Variants in HSPA9 observed in about 807,000 individuals in gnomAD.
The protein encoded by HSPA9 is heat shock protein family A (Hsp70) member 9, also known as stress-70 protein, mitochondrial.
HSPA9 carries 28 observed loss-of-function variants against 81.5 expected under a neutral mutation model. That is an observed-to-expected ratio of 0.34 (90% CI 0.25 to 0.47). The LOEUF (loss-of-function observed/expected upper bound fraction) is 0.47, where lower values mean the gene tolerates loss of function less well. HSPA9 is among the 20% of genes least tolerant of loss of function. The probability of loss-of-function intolerance (pLI) is 1.00; values close to 1 mark genes in which losing one functional copy is unlikely to be tolerated. For missense variants in HSPA9, 678 were observed against 838.0 expected (o/e 0.81, Z 2.36); for synonymous variants, 293 against 290.4 (o/e 1.01, Z -0.09).
At chr5:138,559,034 C>A in intron 11 of HSPA9, 1 of 229,156 alleles carries the variant, frequency 4.4e-6, no homozygotes. Context: ...AAATACATCA[C>A]GGCACAAATA....
At chr5:138,574,912 G>A (rs1751052407) in intron 1 of HSPA9, 1 of 434,950 alleles carries the variant, frequency 2.3e-6, no homozygotes, top group Non-Finnish European at 4.1e-6. Flanking sequence ...TGAAAATAGT[G>A]GCTTTCCCAA....
intron 14 of HSPA9, 117 bp downstream of exon 14, chr5:138,557,285 G>T: frequency 1.3e-6 from 1 of 759,884 alleles, no homozygotes; most frequent in Admixed American, 2.0e-5. Flanking sequence ...TGCCCACCTT[G>T]GCAGTGGGCT....
intron 12 of HSPA9, 126 bp downstream of exon 12, chr5:138,558,427 C>T: frequency 2.7e-6 from 2 of 742,240 alleles, no homozygotes; most frequent in South Asian, 2.9e-5. Flanking sequence ...AGTTGCATCC[C>T]TTCTTCTCAA....
intron 3 of HSPA9, 107 bp downstream of exon 3, chr5:138,573,656 A>G (rs905615892): frequency 1.6e-6 from 1 of 616,638 alleles, no homozygotes; most frequent in East Asian, 3.0e-5. Flanking sequence ...AAAAAAAAAA[A>G]AAAAAAAAAA....
chr5:138,566,385 A>G (rs1750763130), intron 9 of HSPA9, among the ~76,000 whole-genome samples: 1 of 152,110 alleles, frequency 6.6e-6, no homozygotes, highest in Admixed American at 6.6e-5. Context: ...TCATTCACAC[A>G]TTATTTAGCT....
chr5:138,567,014 T>A lies in HSPA9; in HGVS notation c.866A>T (p.Glu289Val). Residue 289 changes from glutamate (E) to valine (V), a missense_variant, in exon 8 of 17, where the codon GAG (glutamate) becomes GTG (valine). Physicochemically the swap from Glu to Val is moderately radical, Grantham distance 121. Around this residue, in one of 4 missense-constraint regions of HSPA9, gnomAD observed 484 missense variants for 647.5 expected, o/e 0.75. Coordinates refer to ENST00000297185, the MANE Select transcript of HSPA9 (RefSeq NM_004134.7). The part of the protein sequence containing the change: ...DQALLRHIVK[E>V]FKRETGVDLT... The stretch of plus-strand genomic sequence containing the variant: ...TTGGTAACTCACCTCTCTCTTGAAC[T>A]CCTTCACAATGTGCCGTAGCAAGGC... 1 of 1,612,970 alleles carries A rather than the reference T, an allele frequency of 6.2e-7. No individual in the cohort carries two copies. Among genetic ancestry groups the A allele is most frequent in the Non-Finnish European group, 8.5e-7 (1 of 1,179,964 alleles).
Position 138,571,131 on chromosome 5 carries a change from T to C in HSPA9, c.239A>G (p.Asn80Ser). 4 of 1,613,752 alleles carry C rather than the reference T, an allele frequency of 2.5e-6. No individual in the cohort carries two copies. Among genetic ancestry groups the C allele is most frequent in the Non-Finnish European group, 3.4e-6 (4 of 1,179,990 alleles). The change falls in exon 4 of 17, where the codon AAT becomes AGT. Residue 80 changes from asparagine (N) to serine (S), a missense_variant. Asn to Ser is a conservative substitution (Grantham distance 46). Transcript: ENST00000297185. The stretch of plus-strand genomic sequence containing the variant: ...AGGGGTGGTTCTGGCACCTTCGGCA[T>C]TCTCCAGCACCTAAACTCCCAAAAT... ...MEGKQAKVLE[N>S]AEGARTTPSV...
chr5:138,553,956 G>A lies in HSPA9; in HGVS notation c.*2081C>T, dbSNP rs552124735. 3.3e-5 allele frequency among the ~76,000 whole-genome samples: 5 copies of A among 152,234 alleles called. No homozygotes were observed. Among genetic ancestry groups the A allele is most frequent in the South Asian group, 4.2e-4 (2 of 4,812 alleles). On this transcript the variant is annotated 3_prime_UTR_variant, in exon 17 of 17. Transcript: ENST00000297185. ...AAGACATCCATATTCTTCTAACCTC[G>A]GACTAGGACACCACTGTGTTCCTGG...
intron 3 of HSPA9, 42 bp from the exon 4 acceptor site, chr5:138,571,183 C>A: frequency 6.3e-7 from 1 of 1,594,458 alleles, no homozygotes; most frequent in South Asian, 1.1e-5. Context: ...TTGTAGTTAT[C>A]ACTGGTATGT....
At chr5:138,565,782 C>A (rs371577815) in intron 9 of HSPA9, among the ~76,000 whole-genome samples, 1 of 152,160 alleles carries the variant, frequency 6.6e-6, no homozygotes, top group Non-Finnish European at 1.5e-5. Context: ...GGTGTGATCA[C>A]GGCTCACTGC....
At chr5:138,561,877 A>G in intron 9 of HSPA9, 88 bp from the exon 10 acceptor site, 1 of 1,022,800 alleles carries the variant, frequency 9.8e-7, no homozygotes, top group Non-Finnish European at 1.6e-6. Flanking sequence ...ACCATGCCCT[A>G]GGACAGAAGA....
chr5:138,555,752 AAT>A lies in HSPA9; in HGVS notation c.*283_*284del, dbSNP rs1223937598. On this transcript the variant is annotated 3_prime_UTR_variant, in exon 17 of 17. Coordinates refer to ENST00000297185, the MANE Select transcript of HSPA9 (RefSeq NM_004134.7). ...TGAAAATATGGTCACTTCAGCATAA[AAT>A]AGTTAAATCTTTATAATGATCAATT... 4.4e-6 allele frequency: 2 copies of A among 455,908 alleles called. No homozygotes were observed. Among genetic ancestry groups the A allele is most frequent in the African/African-American group, 2.0e-5 (1 of 50,234 alleles). The allele number at this position is 455,908 out of a possible 1,614,324, so 28.2% of individuals were successfully genotyped here.
chr5:138,561,405 A>G (rs256006), intron 10 of HSPA9, among the ~76,000 whole-genome samples, 175 bp downstream of exon 10: 78,951 of 152,026 alleles, frequency 0.52, 22,742 homozygotes, highest in East Asian at 0.81. Flanking sequence ...CACCATGCCC[A>G]GCCTATTTTT....
chr5:138,556,693 C>G, intron 15 of HSPA9, 81 bp downstream of exon 15: 2 of 1,556,698 alleles, frequency 1.3e-6, no homozygotes, highest in South Asian at 1.1e-5. Flanking sequence ...AAACCCCTAT[C>G]AAAACCCACA....
intron 9 of HSPA9, among the ~76,000 whole-genome samples, chr5:138,566,110 C>A (rs934177791): frequency 1.3e-5 from 2 of 148,640 alleles, no homozygotes; most frequent in African/African-American, 4.9e-5. Context: ...ATCACTTGAA[C>A]CCAGGAGGCA....
intron 9 of HSPA9, among the ~76,000 whole-genome samples, chr5:138,562,066 G>A: frequency 6.6e-6 from 1 of 151,286 alleles, no homozygotes; most frequent in Non-Finnish European, 1.5e-5. Context: ...AGCCTCCCAA[G>A]TAGCTGGGAC....
intron 4 of HSPA9, among the ~76,000 whole-genome samples, chr5:138,569,630 TC>T (rs1750835553): frequency 6.6e-6 from 1 of 151,604 alleles, no homozygotes; most frequent in Non-Finnish European, 1.5e-5. Flanking sequence ...AAGAAGCCAG[TC>T]ATAGAGGTCC....
At chr5:138,565,391 G>C (rs1750741552) in intron 9 of HSPA9, among the ~76,000 whole-genome samples, 1 of 152,000 alleles carries the variant, frequency 6.6e-6, no homozygotes, top group Non-Finnish European at 1.5e-5. Flanking sequence ...AAAAAATCCA[G>C]GTTTGAGGGG....
chr5:138,573,790 C>G lies in HSPA9; in HGVS notation c.201G>C (p.Val67=), dbSNP rs1321669610. 2 of 1,612,802 alleles carry G rather than the reference C, an allele frequency of 1.2e-6. No individual in the cohort carries two copies. The highest frequency in any genetic ancestry group is 8.5e-7 in the Non-Finnish European group (1 of 1,179,040). ...TTGCTTGTTTACCTTCCATAACTGC[C>G]ACGCAGGAGTTGGTAGTACCCAAAT... ...GIDLGTTNSC[V]AVMEGKQAKV... is the part of the protein sequence containing the mutation. The change falls in exon 3 of 17, where the codon GTG becomes GTC. Residue 67 remains valine (V), a synonymous_variant. Coordinates refer to ENST00000297185, the MANE Select transcript of HSPA9 (RefSeq NM_004134.7).
Sources: gnomAD v4.1 joint callset for allele counts (sites outside exome capture counted in the v4.1 genomes callset) on GRCh38, gnomAD v4.1.1 for gene constraint, gnomAD v4.1.1 regional missense constraint, MANE v1.5 for transcripts, NCBI Gene and HGNC (gene_info 2026-07-23, HGNC 2026-07-21) for gene names.